SCYL1: variants seen among roughly 807,000 people sequenced by gnomAD.
The protein encoded by SCYL1 is SCY1 like pseudokinase 1, also known as N-terminal kinase-like protein.
SCYL1 carries 85 observed loss-of-function variants against 94.8 expected under a neutral mutation model. The ratio of observed to expected loss-of-function variants is 0.90; its 90% CI spans 0.75 to 1.07. SCYL1 has a LOEUF of 1.07. SCYL1 is among the 50% of genes least tolerant of loss of function. The probability of loss-of-function intolerance (pLI) is 0.00; values close to 1 mark genes in which losing one functional copy is unlikely to be tolerated. For missense variants in SCYL1, 968 were observed against 1,083.3 expected, an observed-to-expected ratio of 0.89 and a Z score of 1.49; for synonymous variants, 459 against 435.5, an observed-to-expected ratio of 1.05 and a Z score of -0.67.
intron 6 of SCYL1, 63 bp from the exon 7 acceptor site, chr11:65,530,566 A>C: frequency 6.4e-7 from 1 of 1,554,380 alleles, no homozygotes; most frequent in Non-Finnish European, 8.7e-7. Flanking sequence ...GTCCTCACCC[A>C]TGGCTGGGTT....
chr11:65,526,953 C>T lies in SCYL1; in HGVS notation c.694-9C>T. 1 of 1,611,104 alleles carries T rather than the reference C, an allele frequency of 6.2e-7. No individual in the cohort carries two copies. Among genetic ancestry groups the T allele is most frequent in the East Asian group, 2.2e-5 (1 of 44,788 alleles). The stretch of plus-strand genomic sequence containing the variant: ...TACCCCTGCCCTGACACTGACCCCT[C>T]CCCTACAGATCCCCAAAACGCTGGT... On this transcript the variant is annotated splice_polypyrimidine_tract_variant and intron_variant, in intron 5 of 17. Transcript: ENST00000270176. This position sits in a 1 kb window ranked among gnomAD's most constrained non-coding sequence, Gnocchi z 4.1.
At chr11:65,530,864 G>A in intron 7 of SCYL1, 77 bp downstream of exon 7, 1 of 1,487,388 alleles carries the variant, frequency 6.7e-7, no homozygotes, top group Admixed American at 2.1e-5. Context: ...GGGTAGGGCA[G>A]GCTGTTTAGG....
Position 65,526,918 on chromosome 11 carries a change from G to A in SCYL1, c.694-44G>A. The A allele has an allele frequency of 6.2e-7, 1 of 1,610,544 alleles. No individual in the cohort carries two copies. The highest frequency in any genetic ancestry group is 8.5e-7 in the Non-Finnish European group (1 of 1,177,728). ...CTCTTTGCCCTGCCTCAGCCCCTCT[G>A]CCAGCTGGCTACCCCTGCCCTGACA... On this transcript the variant is annotated intron_variant, in intron 5 of 17. Transcript: ENST00000270176. This position sits in a 1 kb window ranked among gnomAD's most constrained non-coding sequence, Gnocchi z 4.1.
chr11:65,534,058 C>T (rs907188375), intron 9 of SCYL1, among the ~76,000 whole-genome samples: 4 of 152,094 alleles, frequency 2.6e-5, no homozygotes, highest in Non-Finnish European at 4.4e-5. Context: ...GAAACCCCGT[C>T]TCTACTAAAA....
chr11:65,529,323 C>T (rs1163961606), intron 6 of SCYL1, among the ~76,000 whole-genome samples: 1 of 152,192 alleles, frequency 6.6e-6, no homozygotes, highest in African/African-American at 2.4e-5. Context: ...TCTCCTCGTA[C>T]GGCTGGCTCT....
intron 6 of SCYL1, among the ~76,000 whole-genome samples, chr11:65,528,064 T>G (rs1855179027): frequency 6.6e-6 from 1 of 152,162 alleles, no homozygotes. Context: ...CCTAGATCAC[T>G]GTCCTCAAGA....
chr11:65,530,559 C>T (rs2135053954), intron 6 of SCYL1, 70 bp from the exon 7 acceptor site: 1 of 1,538,602 alleles, frequency 6.5e-7, no homozygotes. Flanking sequence ...TCTCCTTGTC[C>T]TCACCCATGG....
In SCYL1 at chr11:65,525,837, C is replaced by T. The variant is rs184218456; in HGVS notation, c.253-84C>T. 6.4e-3 allele frequency: 10,109 copies of T among 1,581,010 alleles called. 96 individuals carry two copies. Among genetic ancestry groups the T allele is most frequent in the Non-Finnish European group, 5.9e-3 (6,908 of 1,161,166 alleles). On this transcript the variant is annotated intron_variant, in intron 2 of 17. Transcript: ENST00000270176. ...GCACCCCCAGATTTGGTTTCCTCTT[C>T]CCCATCTCTCCCAACTTCAAGTCGC...
At position 65,536,658 on chromosome 11, in the gene SCYL1, C is replaced by G; in HGVS notation, c.1724C>G (p.Thr575Ser). The change falls in exon 13 of 18, where the codon ACC becomes AGC. Residue 575 changes from threonine to serine, a missense_variant. Around this residue, in one of 2 missense-constraint regions of SCYL1, gnomAD observed 474 missense variants for 463.6 expected, o/e 1.02. Coordinates refer to ENST00000270176, the MANE Select transcript of SCYL1 (RefSeq NM_020680.4). ...AAASWAGWAV[T>S]GVSSLTSKLI... ...GCTAGCTGGGCAGGCTGGGCCGTGA[C>G]CGGGGTCTCCTCACTCACCTCCAAG... 1 of 1,614,050 alleles carries G rather than the reference C, an allele frequency of 6.2e-7. No individual in the cohort carries two copies. Among genetic ancestry groups the G allele is most frequent in the Non-Finnish European group, 8.5e-7 (1 of 1,179,960 alleles).
rs756526017 is a variant in SCYL1 at position 65,532,821 on chromosome 11, C to A, written c.1230+16C>A. The A allele has an allele frequency of 1.9e-6, 3 of 1,592,548 alleles. No individual in the cohort carries two copies. Among genetic ancestry groups the A allele is most frequent in the African/African-American group, 2.7e-5 (2 of 74,648 alleles). On this transcript the variant is annotated intron_variant, in intron 9 of 17. Transcript: ENST00000270176. The stretch of plus-strand genomic sequence containing the variant: ...GACGGTCAAGGTGGGTGTGGCCAGG[C>A]CCAGAGTGGCTACCCCTGGTTTTCC...
rs1216234550 is a variant in SCYL1, at chr11:65,530,626, C to T, written c.850-3C>T. 2 of 1,611,894 alleles carry T rather than the reference C, an allele frequency of 1.2e-6. No individual in the cohort carries two copies. Among genetic ancestry groups the T allele is most frequent in the African/African-American group, 2.7e-5 (2 of 74,872 alleles). On this transcript the variant is annotated splice_polypyrimidine_tract_variant and splice_region_variant and intron_variant, in intron 6 of 17. Coordinates refer to ENST00000270176, the MANE Select transcript of SCYL1 (RefSeq NM_020680.4). ...TCCCCGGGTCCCGTCCTCACTCCCC[C>T]AGATCAAAGAGCCAGCCGAGAAGCA...
chr11:65,528,196 A>G (rs971880000), intron 6 of SCYL1, among the ~76,000 whole-genome samples: 1 of 152,214 alleles, frequency 6.6e-6, no homozygotes, highest in African/African-American at 2.4e-5. Context: ...TAATCCCAGC[A>G]CTTTGGGAGG....
At chr11:65,535,719 TG>T (rs1855603092) in intron 10 of SCYL1, 1 of 580,372 alleles carries the variant, frequency 1.7e-6, no homozygotes, top group Non-Finnish European at 3.0e-6. Flanking sequence ...GTCCGAGCCC[TG>T]GGGACAGCTG....
At chr11:65,537,599 G>A (rs911461601) in intron 14 of SCYL1, among the ~76,000 whole-genome samples, 1 of 152,158 alleles carries the variant, frequency 6.6e-6, no homozygotes, top group Non-Finnish European at 1.5e-5. Context: ...GCTGTTGGAA[G>A]GGGCATCTAG....
intron 14 of SCYL1, 80 bp from the exon 15 acceptor site, chr11:65,537,729 C>T (rs571123020): frequency 1.1e-4 from 136 of 1,262,326 alleles, no homozygotes; most frequent in South Asian, 1.8e-4. Context: ...TGGTGGGGCC[C>T]GTGGCTGGGA....
chr11:65,529,009 T>C (rs1282506539), intron 6 of SCYL1, among the ~76,000 whole-genome samples: 1 of 152,132 alleles, frequency 6.6e-6, no homozygotes, highest in African/African-American at 2.4e-5. Context: ...AGCATCTGGG[T>C]GCACTGGCCT....
intron 1 of SCYL1, 57 bp downstream of exon 1, chr11:65,525,321 C>A (rs774455803): frequency 3.2e-6 from 4 of 1,265,464 alleles, no homozygotes; most frequent in Admixed American, 6.7e-5. Flanking sequence ...CTATTCCGCG[C>A]CGCCGACCCC....
In SCYL1 at chr11:65,526,544, G is replaced by A. The variant is rs1855092344; in HGVS notation, c.602+194G>A. 2.0e-5 allele frequency among the ~76,000 whole-genome samples: 3 copies of A among 152,190 alleles called. No individual in the cohort carries two copies. The highest frequency in any genetic ancestry group is 2.1e-4 in the South Asian group (1 of 4,832). On this transcript the variant is annotated intron_variant, in intron 4 of 17. Transcript: ENST00000270176. This position sits in a 1 kb window ranked among gnomAD's most constrained non-coding sequence, Gnocchi z 4.1. ...GTAGGGCGGGATGGACACAGCATTC[G>A]GGGTTGGGTGATTCTGAACTTGAAA...
At chr11:65,527,690 C>T (rs527807818) in intron 6 of SCYL1, among the ~76,000 whole-genome samples, 18 of 150,004 alleles carry the variant, frequency 1.2e-4, no homozygotes, top group African/African-American at 4.0e-4. Flanking sequence ...CGAGATCGTG[C>T]CACTGCACTC....
Sources: allele counts gnomAD v4.1 joint callset (sites outside exome capture counted in the v4.1 genomes callset), GRCh38; gene constraint gnomAD v4.1.1; regional missense constraint gnomAD v4.1.1; non-coding constraint Gnocchi (gnomAD v3.1); transcripts MANE v1.5; gene names NCBI Gene and HGNC (gene_info 2026-07-23, HGNC 2026-07-21).